SATB1: variants seen among roughly 807,000 people sequenced by gnomAD.
SATB1 encodes the protein SATB homeobox 1.
SATB1 carries 11 observed loss-of-function variants against 86.9 expected under a neutral mutation model. The ratio of observed to expected loss-of-function variants is 0.13; its 90% CI spans 0.08 to 0.21. The LOEUF (loss-of-function observed/expected upper bound fraction) is 0.21. Among genes scored for constraint, SATB1 ranks in the 10% least tolerant of loss-of-function variants. The pLI is 1.00. For missense variants in SATB1, 551 were observed against 937.6 expected, an observed-to-expected ratio of 0.59 and a Z score of 5.39; for synonymous variants, 357 against 357.2, an observed-to-expected ratio of 1.00 and a Z score of 0.01.
chr3:18,372,933 G>C (rs1695547399), intron 9 of SATB1, among the ~76,000 whole-genome samples: 2 of 152,150 alleles, frequency 1.3e-5, no homozygotes, highest in South Asian at 4.1e-4. Flanking sequence ...GGAGCACAGG[G>C]ACCTCCAAAG....
At chr3:18,390,466 T>C (rs959121213) in intron 7 of SATB1, among the ~76,000 whole-genome samples, 1 of 152,200 alleles carries the variant, frequency 6.6e-6, no homozygotes, top group African/African-American at 2.4e-5. Flanking sequence ...TTTATCTCTG[T>C]CGTTTGGCAG....
At position 18,366,438 on chromosome 3, in the gene SATB1, CATCAATCA is replaced by C. The variant is rs141494702; in HGVS notation, c.1575+11724_1575+11731del. Among the ~76,000 whole-genome samples, 661 of 151,246 alleles carry C rather than the reference CATCAATCA, an allele frequency of 4.4e-3. 2 individuals are homozygous for C. Among genetic ancestry groups the C allele is most frequent in the African/African-American group, 0.015 (601 of 41,002 alleles). On this transcript the variant is annotated intron_variant, in intron 9 of 10. Coordinates refer to ENST00000338745, the MANE Select transcript of SATB1 (RefSeq NM_002971.6). Reference sequence around the variant, plus strand: ...TTTTAATGTGCCAGAAAAAAACTTCCATCAATCAATCAATCAATCAATCAATCAATCAA... The same window carrying C: ...TTTTAATGTGCCAGAAAAAAACTTCCATCAATCAATCAATCAATCAATCAA...
chr3:18,417,129 T>C lies in SATB1; in HGVS notation c.212-51A>G, dbSNP rs766443597. The C allele has an allele frequency of 2.5e-6, 4 of 1,574,298 alleles. No homozygotes were observed. In the East Asian group the frequency reaches 6.7e-5, roughly 26 times the overall value. On this transcript the variant is annotated intron_variant, in intron 2 of 10. Coordinates refer to ENST00000338745, the MANE Select transcript of SATB1 (RefSeq NM_002971.6). The stretch of plus-strand genomic sequence containing the variant: ...ATGGAAAACCAACAATCTTCAGAAA[T>C]ACAGCTTGGGGGTGGCGGGAGGAAA...
At chr3:18,399,887 C>A (rs1401830301) in intron 5 of SATB1, among the ~76,000 whole-genome samples, 2 of 151,910 alleles carry the variant, frequency 1.3e-5, no homozygotes, top group East Asian at 1.9e-4. Context: ...TTAGATTGCT[C>A]CTATAGCCAC....
intron 2 of SATB1, among the ~76,000 whole-genome samples, chr3:18,433,410 A>G (rs1430239574): frequency 1.3e-5 from 2 of 152,154 alleles, no homozygotes; most frequent in Non-Finnish European, 2.9e-5. Flanking sequence ...ACGCTTTCAA[A>G]TTTAATCAGC....
chr3:18,417,692 T>C (rs1339444887), intron 2 of SATB1: 7 of 698,824 alleles, frequency 1.0e-5, no homozygotes, highest in Non-Finnish European at 1.8e-5. Flanking sequence ...AATACACAAT[T>C]TCAATATCTG....
Position 18,352,028 on chromosome 3 carries a change from C to T in SATB1, c.1743G>A (p.Pro581=), listed in dbSNP as rs147456964. 113 of 1,614,068 alleles carry T rather than the reference C, an allele frequency of 7.0e-5. No homozygotes were observed. The highest frequency in any genetic ancestry group is 1.8e-4 in the South Asian group (16 of 91,090). ...CTGCTGGAACATGGATAATGTGGGG[C>T]GGCCTGTCGCCATGGTGATGCACCG... ...SNAVHHHGDR[P]PHIIHVPAEQ... The change falls in exon 10 of 11, where the codon CCG becomes CCA. Residue 581 remains proline, a synonymous_variant. Coordinates refer to ENST00000338745, the MANE Select transcript of SATB1 (RefSeq NM_002971.6). The surrounding 1 kb of genome is among the most constrained non-coding windows in gnomAD (Gnocchi z 4.1).
At chr3:18,431,888 T>A (rs1456616216) in intron 2 of SATB1, among the ~76,000 whole-genome samples, 2 of 152,208 alleles carry the variant, frequency 1.3e-5, no homozygotes, top group African/African-American at 4.8e-5. Flanking sequence ...AACTAGCATT[T>A]GGGCACTTGT....
chr3:18,429,105 CTT>C (rs1381349018), upstream of SATB1, among the ~76,000 whole-genome samples: 1 of 152,056 alleles, frequency 6.6e-6, no homozygotes, highest in South Asian at 2.1e-4. The surrounding 1 kb of genome is among the most constrained non-coding windows in gnomAD (Gnocchi z 4.1). Flanking sequence ...CGTGTCAACT[CTT>C]TGTTTTTTGG....
At chr3:18,391,189 A>C (rs1382451394) in intron 7 of SATB1, among the ~76,000 whole-genome samples, 2 of 152,152 alleles carry the variant, frequency 1.3e-5, no homozygotes, top group Non-Finnish European at 2.9e-5. Context: ...TAAGATGATA[A>C]GAAAATTCTC....
In SATB1 at chr3:18,352,510, T is replaced by G; in HGVS notation, c.1576-315A>C. On this transcript the variant is annotated intron_variant, in intron 9 of 10. Coordinates refer to ENST00000338745, the MANE Select transcript of SATB1 (RefSeq NM_002971.6). This position sits in a 1 kb window ranked among gnomAD's most constrained non-coding sequence, Gnocchi z 4.1. The stretch of plus-strand genomic sequence containing the variant: ...AGGAGAAAAACAAAGTTGATGTGCT[T>G]CAGTCTTGCACAACTTTGCTATCTG... 1 of 275,728 alleles carries G rather than the reference T, an allele frequency of 3.6e-6. No homozygotes were observed. The highest frequency in any genetic ancestry group is 5.2e-5 in the South Asian group (1 of 19,252). 17.1% of individuals were successfully genotyped at this position (275,728 alleles called of 1,614,324 possible). A position where few individuals can be genotyped will look rare whatever the true frequency, so the allele number is the denominator to read the frequency against.
chr3:18,378,577 A>C (rs1460968652), intron 8 of SATB1, among the ~76,000 whole-genome samples: 1 of 152,224 alleles, frequency 6.6e-6, no homozygotes, highest in Non-Finnish European at 1.5e-5. Context: ...AATGCCATAA[A>C]GTAAGTTTTC....
chr3:18,359,762 A>G (rs1354429693), intron 9 of SATB1, among the ~76,000 whole-genome samples: 2 of 151,798 alleles, frequency 1.3e-5, no homozygotes, highest in African/African-American at 4.8e-5. Flanking sequence ...TTCTCTTCAA[A>G]TGTTAACTTT....
chr3:18,374,857 C>A (rs111433322), intron 9 of SATB1, among the ~76,000 whole-genome samples: 5 of 152,146 alleles, frequency 3.3e-5, no homozygotes, highest in Admixed American at 2.0e-4. Flanking sequence ...TGAAACGTTA[C>A]CATTTGGGTA....
intron 1 of SATB1, chr3:18,438,440 T>C (rs1016397903): frequency 6.6e-6 from 1 of 152,224 alleles, no homozygotes. Flanking sequence ...CCAAATTTTC[T>C]AGAGCTGAGA....
intron 9 of SATB1, among the ~76,000 whole-genome samples, chr3:18,355,475 A>G (rs1694584036): frequency 6.6e-6 from 1 of 152,034 alleles, no homozygotes; most frequent in South Asian, 2.1e-4. Context: ...TCCACAAGTG[A>G]TATTGTTAGA....
rs1415911463 is a variant in SATB1 at position 18,347,824 on chromosome 3, G to A, written c.*1346C>T. On this transcript the variant is annotated 3_prime_UTR_variant, in exon 11 of 11. Coordinates refer to ENST00000338745, the MANE Select transcript of SATB1 (RefSeq NM_002971.6). Reference sequence around the variant, plus strand: ...AAATTTACAGTGTTTCAAGTAACTTGTCAATTGCTCTTTTTAAAATCAGTG... The same window carrying A: ...AAATTTACAGTGTTTCAAGTAACTTATCAATTGCTCTTTTTAAAATCAGTG... 1 of 152,170 alleles carries A rather than the reference G, an allele frequency of 6.6e-6. No individual in the cohort carries two copies. Among genetic ancestry groups the A allele is most frequent in the African/African-American group, 2.4e-5 (1 of 41,428 alleles). The allele number at this position is 152,170 out of a possible 1,614,324, so 9.4% of individuals were successfully genotyped here. A position where few individuals can be genotyped will look rare whatever the true frequency, so the allele number is the denominator to read the frequency against.
At position 18,420,848 on chromosome 3, in the gene SATB1, T is replaced by C. The variant is rs144229002; in HGVS notation, c.120A>G (p.Leu40=). 1.5e-4 allele frequency: 241 copies of C among 1,614,214 alleles called. No individual in the cohort carries two copies. The highest frequency in any genetic ancestry group is 1.7e-4 in the Non-Finnish European group (196 of 1,180,030). ...CTGTACTCCCAAGCCTTCCTCTTCC[T>C]AGCGGGCTCCCGTTCTGCTCCAGGC... ...IARLEQNGSP[L]GRGRLGSTGA... is the part of the protein sequence containing the mutation. Residue 40 remains leucine, a synonymous_variant, in exon 2 of 11, where the codon CTA becomes CTG. Transcript: ENST00000338745.
At chr3:18,433,921 C>G (rs1238870112) in intron 2 of SATB1, among the ~76,000 whole-genome samples, 1 of 151,870 alleles carries the variant, frequency 6.6e-6, no homozygotes, top group South Asian at 2.1e-4. Flanking sequence ...AACTAGAGAG[C>G]CTTGAGGCTG....
Sources: gnomAD v4.1 joint callset for allele counts (sites outside exome capture counted in the v4.1 genomes callset) on GRCh38, gnomAD v4.1.1 for gene constraint, Gnocchi (gnomAD v3.1) non-coding constraint, MANE v1.5 for transcripts, NCBI Gene and HGNC (gene_info 2026-07-23, HGNC 2026-07-21) for gene names.